Variants in SPAG17 observed in about 807,000 individuals in gnomAD.
SPAG17 encodes sperm-associated antigen 17.
A neutral mutation model predicts 273.6 loss-of-function variants in SPAG17; 169 were observed. The observed-to-expected ratio is 0.62, with a 90% confidence interval of 0.55 to 0.70. SPAG17 has a LOEUF of 0.70. Among genes scored for constraint, SPAG17 ranks in the 30% least tolerant of loss-of-function variants. SPAG17 has a pLI of 0.00. For missense variants in SPAG17, 2,557 were observed against 2,627.8 expected (o/e 0.97, Z 0.59); for synonymous variants, 825 against 873.2 (o/e 0.94, Z 0.97).
In SPAG17 at chr1:118,174,466, A is replaced by C. The variant is rs78227354; in HGVS notation, c.87+10605T>G. ...AAAAAGTATGAAGAAAAGTATATAG[A>C]GCAAAAGAGACTTAAGGGATACCAC... On this transcript the variant is annotated intron_variant, in intron 1 of 48. Transcript: ENST00000336338. Among the ~76,000 whole-genome samples the C allele has an allele frequency of 3.0e-3, 454 of 152,274 alleles. 1 individual carries two copies. The highest frequency in any genetic ancestry group is 0.01 in the African/African-American group (434 of 41,562).
intron 13 of SPAG17, among the ~76,000 whole-genome samples, chr1:118,084,625 T>G (rs1654844874): frequency 6.6e-6 from 1 of 152,194 alleles, no homozygotes; most frequent in Admixed American, 6.5e-5. Flanking sequence ...TTAGCTTGAG[T>G]CAACTCCTGC....
chr1:118,041,889 T>G lies in SPAG17; in HGVS notation c.2968A>C (p.Lys990Gln). The G allele has an allele frequency of 2.5e-6, 4 of 1,613,832 alleles. No individual in the cohort carries two copies. Among genetic ancestry groups the G allele is most frequent in the Non-Finnish European group, 3.4e-6 (4 of 1,179,792 alleles). The change falls in exon 21 of 49, where the codon AAG becomes CAG. Residue 990 changes from lysine to glutamine, a missense_variant. Coordinates refer to ENST00000336338, the MANE Select transcript of SPAG17 (RefSeq NM_206996.4). ...ACTTGTTCTTCTTTAGATTTCTCCT[T>G]GTAAGGTGATTTTTTCTTCAAAGAC... ...SRSLKKKSPY[K>Q]EKSKEEQVKI...
intron 7 of SPAG17, among the ~76,000 whole-genome samples, chr1:118,095,646 G>C (rs1290812957): frequency 6.6e-6 from 1 of 152,198 alleles, no homozygotes; most frequent in Non-Finnish European, 1.5e-5. Context: ...GTGGAAGAGA[G>C]AGTAAGAAGC....
rs1656194575 is a variant in SPAG17 at position 117,984,575 on chromosome 1, C to G, written c.5769+108G>C. ...TACAGGTTAGTCAGCCAGGTCGATG[C>G]AGGAAAGAATTAAACAGCATCAGGA... On this transcript the variant is annotated intron_variant, in intron 41 of 48. Transcript: ENST00000336338. 11 of 702,982 alleles carry G rather than the reference C, an allele frequency of 1.6e-5. No individual in the cohort carries two copies. The South Asian group carries it at 2.2e-4, about 14-fold the overall frequency. 43.5% of individuals were successfully genotyped at this position (702,982 alleles called of 1,614,324 possible).
chr1:118,164,009 C>T (rs539805834), intron 1 of SPAG17, among the ~76,000 whole-genome samples: 8 of 152,300 alleles, frequency 5.3e-5, no homozygotes, highest in Admixed American at 3.3e-4. Flanking sequence ...TATGACACCA[C>T]CCCGTTCTCA....
At chr1:118,184,953 C>T in intron 1 of SPAG17, 118 bp downstream of exon 1, 2 of 856,012 alleles carry the variant, frequency 2.3e-6, no homozygotes, top group Non-Finnish European at 3.8e-6. Flanking sequence ...GTCCTGGAAC[C>T]ATCAGGCCAC....
At chr1:118,161,246 G>C (rs565463633) in intron 1 of SPAG17, among the ~76,000 whole-genome samples, 2 of 152,316 alleles carry the variant, frequency 1.3e-5, no homozygotes, top group Non-Finnish European at 2.9e-5. Flanking sequence ...AGTGTCCAGA[G>C]CTGGAGCTGT....
intron 26 of SPAG17, among the ~76,000 whole-genome samples, chr1:118,026,025 C>T (rs1647705860): frequency 6.6e-6 from 1 of 152,090 alleles, no homozygotes; most frequent in Non-Finnish European, 1.5e-5. Flanking sequence ...TTAGGTGTTT[C>T]CTCTTCCTGC....
At chr1:118,007,932 T>G (rs202006843) in intron 31 of SPAG17, 112 bp downstream of exon 31, 78,237 of 1,105,372 alleles carry the variant, frequency 0.071, 4,410 homozygotes, top group East Asian at 0.29. Flanking sequence ...TATAAGAGAA[T>G]GAAAGCAACA....
chr1:118,058,618 AAGTGGTTGTATT>A (rs1651955491), intron 18 of SPAG17, among the ~76,000 whole-genome samples: 1 of 152,172 alleles, frequency 6.6e-6, no homozygotes, highest in African/African-American at 2.4e-5. Flanking sequence ...TGACTTTTAC[AAGTGGTTGTATT>A]AGCTCTGAGG....
At chr1:118,170,955 A>G (rs184183242) in intron 1 of SPAG17, among the ~76,000 whole-genome samples, 376 of 152,312 alleles carry the variant, frequency 2.5e-3, no homozygotes, top group Admixed American at 0.013. Flanking sequence ...GTCACTTTCA[A>G]TTTTTAAACT....
chr1:118,066,723 C>A (rs200179649), intron 18 of SPAG17, 22 bp downstream of exon 18: 2 of 1,601,476 alleles, frequency 1.2e-6, no homozygotes, highest in Non-Finnish European at 1.7e-6. Context: ...AACTAATTAA[C>A]TAAACTTTCC....
chr1:118,069,083 C>G (rs559123892), intron 17 of SPAG17, among the ~76,000 whole-genome samples: 1 of 152,040 alleles, frequency 6.6e-6, no homozygotes, highest in Non-Finnish European at 1.5e-5. Flanking sequence ...TGGTGGCTCA[C>G]GCCTGTAATC....
At chr1:118,033,725 A>G (rs1313154508) in intron 24 of SPAG17, among the ~76,000 whole-genome samples, 1 of 152,198 alleles carries the variant, frequency 6.6e-6, no homozygotes, top group East Asian at 1.9e-4. Flanking sequence ...GCCACACTGA[A>G]CTTTTCACCT....
intron 4 of SPAG17, among the ~76,000 whole-genome samples, chr1:118,107,165 A>G (rs1656451958): frequency 6.6e-6 from 1 of 152,164 alleles, no homozygotes; most frequent in Non-Finnish European, 1.5e-5. Flanking sequence ...TGTGGTAGAG[A>G]GTGCTGGTCT....
At position 118,066,097 on chromosome 1, in the gene SPAG17, C is replaced by T. The variant is rs537815940; in HGVS notation, c.2540+648G>A. 3.9e-5 allele frequency among the ~76,000 whole-genome samples: 6 copies of T among 152,010 alleles called. No homozygotes were observed. In the South Asian group the frequency reaches 1.2e-3, roughly 32 times the overall value. Reference sequence around the variant, plus strand: ...TGTGTGCCCACATACAGTATATTCCCCCAATTATTATGTAAGTCCATTCTG... The same window carrying T: ...TGTGTGCCCACATACAGTATATTCCTCCAATTATTATGTAAGTCCATTCTG... On this transcript the variant is annotated intron_variant, in intron 18 of 48. Transcript: ENST00000336338.
At chr1:117,979,259 A>G (rs1297735469) in intron 43 of SPAG17, among the ~76,000 whole-genome samples, 1 of 152,180 alleles carries the variant, frequency 6.6e-6, no homozygotes, top group Non-Finnish European at 1.5e-5. Flanking sequence ...TTCTCAAGGC[A>G]TAAACCTATA....
chr1:118,177,019 A>T (rs149477539), intron 1 of SPAG17, among the ~76,000 whole-genome samples: 1 of 152,186 alleles, frequency 6.6e-6, no homozygotes, highest in African/African-American at 2.4e-5. Context: ...GAAAAACAAC[A>T]TACTGAAATC....
chr1:118,015,136 T>C (rs1659836011), intron 29 of SPAG17, among the ~76,000 whole-genome samples: 1 of 151,394 alleles, frequency 6.6e-6, no homozygotes, highest in Non-Finnish European at 1.5e-5. Flanking sequence ...AATACAAAAA[T>C]TAGCCGGGCG....
Sources: gnomAD v4.1 joint callset for allele counts (sites outside exome capture counted in the v4.1 genomes callset) on GRCh38, gnomAD v4.1.1 for gene constraint, MANE v1.5 for transcripts, NCBI Gene and HGNC (gene_info 2026-07-23, HGNC 2026-07-21) for gene names.